THSD7B: variants seen among roughly 807,000 people sequenced by gnomAD.
THSD7B encodes the protein thrombospondin type-1 domain-containing protein 7B.
Under a neutral mutation model 213.6 loss-of-function variants are expected in THSD7B, and 138 were observed. That is an observed-to-expected ratio of 0.65 (90% CI 0.56 to 0.74). The LOEUF is 0.74. Ranked by LOEUF, THSD7B falls within the 30% of genes least tolerant of loss-of-function variation. The probability of loss-of-function intolerance (pLI) is 0.00; values close to 1 mark genes in which losing one functional copy is unlikely to be tolerated. For missense variants in THSD7B, 1,931 were observed against 1,991.5 expected (o/e 0.97, Z 0.58); for synonymous variants, 742 against 687.0 (o/e 1.08, Z -1.25).
At chr2:136,905,117 T>C (rs1438759871) in intron 2 of THSD7B, among the ~76,000 whole-genome samples, 1 of 152,206 alleles carries the variant, frequency 6.6e-6, no homozygotes, top group Non-Finnish European at 1.5e-5. Flanking sequence ...GCTAAGACAA[T>C]GCAGGAAATC....
chr2:136,884,312 C>T (rs985146480), intron 2 of THSD7B, among the ~76,000 whole-genome samples: 1 of 152,202 alleles, frequency 6.6e-6, no homozygotes, highest in African/African-American at 2.4e-5. Flanking sequence ...GGAGCCTCTA[C>T]AACTTCTGGG....
chr2:137,101,552 C>G (rs1353495240), intron 4 of THSD7B, among the ~76,000 whole-genome samples: 1 of 152,176 alleles, frequency 6.6e-6, no homozygotes, highest in Admixed American at 6.5e-5. Context: ...CATTCACTCT[C>G]CTGGAAAGGG....
At chr2:137,649,876 C>A (rs945680162) in intron 21 of THSD7B, among the ~76,000 whole-genome samples, 2 of 151,812 alleles carry the variant, frequency 1.3e-5, no homozygotes, top group African/African-American at 4.8e-5. Flanking sequence ...TGGGAGAATC[C>A]CTTGCCCTCA....
chr2:137,620,313 G>A (rs1682494823), intron 19 of THSD7B, among the ~76,000 whole-genome samples: 1 of 152,144 alleles, frequency 6.6e-6, no homozygotes, highest in South Asian at 2.1e-4. Flanking sequence ...CTGGTTCCTT[G>A]CTGATTGAGC....
At chr2:137,537,060 T>A (rs929431969) in intron 15 of THSD7B, among the ~76,000 whole-genome samples, 4 of 151,814 alleles carry the variant, frequency 2.6e-5, no homozygotes, top group African/African-American at 9.6e-5. Context: ...AATGCGTGGG[T>A]TGTCTATACA....
In THSD7B at chr2:136,879,384, T is replaced by C. The variant is rs192728197; in HGVS notation, c.-35-2760T>C. Reference sequence around the variant, plus strand: ...CAGCTTTGTTTTTTTGGCTTAGGATTGACTTGGCAATGTGTGCTCTTTTTT... The same window carrying C: ...CAGCTTTGTTTTTTTGGCTTAGGATCGACTTGGCAATGTGTGCTCTTTTTT... On this transcript the variant is annotated intron_variant, in intron 1 of 27. Coordinates refer to ENST00000409968, the MANE Select transcript of THSD7B (RefSeq NM_001316349.2). 1.7e-4 allele frequency among the ~76,000 whole-genome samples: 26 copies of C among 152,354 alleles called. No individual in the cohort carries two copies. In the East Asian group the frequency reaches 4.6e-3, roughly 27 times the overall value.
chr2:137,255,542 G>A (rs143324665), intron 10 of THSD7B, among the ~76,000 whole-genome samples: 11 of 152,188 alleles, frequency 7.2e-5, no homozygotes, highest in East Asian at 1.9e-4. Context: ...GTCTGGTGCC[G>A]TGCGACTTGG....
chr2:137,562,840 T>C (rs963587714), intron 15 of THSD7B, among the ~76,000 whole-genome samples: 4 of 152,124 alleles, frequency 2.6e-5, no homozygotes, highest in African/African-American at 9.7e-5. Context: ...TTTGTTTCAA[T>C]TGACATGTTA....
intron 27 of THSD7B, among the ~76,000 whole-genome samples, chr2:137,670,726 C>CCTAT (rs929994389): frequency 3.3e-5 from 5 of 152,014 alleles, no homozygotes; most frequent in African/African-American, 1.2e-4. Flanking sequence ...TCGAGACCAT[C>CCTAT]CTATCTAACA....
At chr2:137,086,525 C>T (rs1687844916) in intron 3 of THSD7B, among the ~76,000 whole-genome samples, 1 of 152,154 alleles carries the variant, frequency 6.6e-6, no homozygotes, top group Admixed American at 6.5e-5. Context: ...ATTGGGTCCA[C>T]TGGGTACTCC....
chr2:137,500,430 A>C (rs1221510208), intron 15 of THSD7B, among the ~76,000 whole-genome samples: 1 of 152,210 alleles, frequency 6.6e-6, no homozygotes, highest in Non-Finnish European at 1.5e-5. Context: ...TTGCAGTTTA[A>C]CATGTGCTGC....
intron 1 of THSD7B, among the ~76,000 whole-genome samples, chr2:136,808,164 T>C (rs1682317675): frequency 6.6e-6 from 1 of 152,256 alleles, no homozygotes; most frequent in African/African-American, 2.4e-5. Flanking sequence ...CACAGCACTT[T>C]CAGAATTATC....
chr2:137,088,621 A>AAAT (rs1202109225), intron 3 of THSD7B, among the ~76,000 whole-genome samples: 1 of 151,734 alleles, frequency 6.6e-6, no homozygotes, highest in Non-Finnish European at 1.5e-5. Flanking sequence ...AAAAAAAAAA[A>AAAT]AATAGCTGGG....
At chr2:137,163,642 C>A (rs1680062615) in intron 6 of THSD7B, among the ~76,000 whole-genome samples, 1 of 152,206 alleles carries the variant, frequency 6.6e-6, no homozygotes, top group South Asian at 2.1e-4. Flanking sequence ...CCTGCTGACA[C>A]CTTGATTTCA....
intron 1 of THSD7B, among the ~76,000 whole-genome samples, chr2:136,791,233 T>A (rs1467723005): frequency 6.6e-6 from 1 of 152,018 alleles, no homozygotes; most frequent in Non-Finnish European, 1.5e-5. Flanking sequence ...ACTACACTTT[T>A]TAATACCAGT....
At chr2:137,369,141 G>C (rs879714968) in intron 12 of THSD7B, among the ~76,000 whole-genome samples, 1 of 125,338 alleles carries the variant, frequency 8.0e-6, no homozygotes, top group African/African-American at 3.0e-5. Flanking sequence ...GAGGGGGGGC[G>C]GGGGGGACCA....
At chr2:136,801,553 T>A (rs1181846609) in intron 1 of THSD7B, among the ~76,000 whole-genome samples, 1 of 152,124 alleles carries the variant, frequency 6.6e-6, no homozygotes, top group Non-Finnish European at 1.5e-5. Flanking sequence ...ACTACCTTTT[T>A]AAATAAGGTT....
intron 1 of THSD7B, among the ~76,000 whole-genome samples, chr2:136,830,119 TGC>T (rs200798745): frequency 3.3e-5 from 5 of 151,256 alleles, no homozygotes; most frequent in Non-Finnish European, 7.4e-5. Context: ...TGTATGCCTG[TGC>T]GCGCACACAC....
At chr2:137,477,529 A>G (rs1266340590) in intron 15 of THSD7B, among the ~76,000 whole-genome samples, 1 of 151,444 alleles carries the variant, frequency 6.6e-6, no homozygotes, top group African/African-American at 2.4e-5. Context: ...TTTGATTATT[A>G]TTTATATTAT....
Sources: allele counts gnomAD v4.1 joint callset (sites outside exome capture counted in the v4.1 genomes callset), GRCh38; gene constraint gnomAD v4.1.1; transcripts MANE v1.5; gene names NCBI Gene and HGNC (gene_info 2026-07-23, HGNC 2026-07-21).